Variants in DPP10 observed in about 807,000 individuals in gnomAD.
DPP10 encodes the protein inactive dipeptidyl peptidase 10.
A neutral mutation model predicts 120.9 loss-of-function variants in DPP10; 33 were observed. The ratio of observed to expected loss-of-function variants is 0.27; its 90% CI spans 0.21 to 0.37. The LOEUF (loss-of-function observed/expected upper bound fraction) is 0.37, where lower values mean the gene tolerates loss of function less well. Ranked by LOEUF, DPP10 falls within the 10% of genes least tolerant of loss-of-function variation. The probability of loss-of-function intolerance (pLI) is 1.00; values close to 1 mark genes in which losing one functional copy is unlikely to be tolerated. For missense variants in DPP10, 816 were observed against 942.8 expected (o/e 0.87, Z 1.76); for synonymous variants, 337 against 326.1 (o/e 1.03, Z -0.36).
At chr2:114,679,888 AC>A (rs1354981661) in intron 1 of DPP10, among the ~76,000 whole-genome samples, 1 of 151,840 alleles carries the variant, frequency 6.6e-6, no homozygotes, top group Non-Finnish European at 1.5e-5. Flanking sequence ...AGCATAGAAA[AC>A]CTCTAGCTAA....
At chr2:115,333,135 T>G (rs1288164131) in intron 2 of DPP10, among the ~76,000 whole-genome samples, 2 of 152,000 alleles carry the variant, frequency 1.3e-5, no homozygotes, top group African/African-American at 4.8e-5. Context: ...TATTTAGGAT[T>G]GTTAGCTTTT....
chr2:115,768,716 T>C (rs1559131897), intron 13 of DPP10, among the ~76,000 whole-genome samples: 1 of 152,120 alleles, frequency 6.6e-6, no homozygotes, highest in Non-Finnish European at 1.5e-5. Context: ...CTAGAGAAGA[T>C]TTTTTATTCA....
intron 1 of DPP10, among the ~76,000 whole-genome samples, chr2:114,521,815 T>C (rs959534613): frequency 6.8e-5 from 10 of 148,136 alleles, no homozygotes; most frequent in Admixed American, 1.3e-4. Flanking sequence ...TTTTTTTTTT[T>C]TTTTTTTTTT....
chr2:114,979,556 A>C (rs747321492), intron 1 of DPP10, among the ~76,000 whole-genome samples: 71 of 152,122 alleles, frequency 4.7e-4, no homozygotes, highest in Admixed American at 7.9e-4. Context: ...TTACTAAACA[A>C]TCTGTCACGT....
intron 3 of DPP10, among the ~76,000 whole-genome samples, chr2:115,361,032 A>G (rs1177113395): frequency 6.6e-6 from 1 of 152,104 alleles, no homozygotes; most frequent in Non-Finnish European, 1.5e-5. Context: ...GTTTTGTCCC[A>G]AGCCTTTTGT....
At chr2:114,813,941 A>AACACACACAC (rs375858356) in intron 1 of DPP10, among the ~76,000 whole-genome samples, 46 of 139,480 alleles carry the variant, frequency 3.3e-4, no homozygotes, top group East Asian at 1.5e-3. Context: ...GGCACGCATG[A>AACACACACAC]ACACACACAC....
chr2:115,740,377 G>C (rs1677102838), intron 9 of DPP10, among the ~76,000 whole-genome samples: 1 of 151,994 alleles, frequency 6.6e-6, no homozygotes, highest in Admixed American at 6.6e-5. Flanking sequence ...ATAAAAAATA[G>C]ACTATGCATA....
chr2:115,564,092 C>T (rs1022793631), intron 5 of DPP10, among the ~76,000 whole-genome samples: 8 of 152,066 alleles, frequency 5.3e-5, no homozygotes, highest in Non-Finnish European at 1.0e-4. Context: ...ATTACTTTTA[C>T]AGAGTGGAAA....
chr2:114,996,141 T>G (rs911794999), intron 1 of DPP10, among the ~76,000 whole-genome samples: 3 of 152,210 alleles, frequency 2.0e-5, no homozygotes, highest in Non-Finnish European at 4.4e-5. Context: ...TACGGATGGG[T>G]GTGGAAACTG....
chr2:114,527,536 C>A (rs962784264), intron 1 of DPP10, among the ~76,000 whole-genome samples: 1 of 152,040 alleles, frequency 6.6e-6, no homozygotes, highest in African/African-American at 2.4e-5. Context: ...ACATTTATGG[C>A]ACATAGTTAA....
intron 1 of DPP10, among the ~76,000 whole-genome samples, chr2:114,689,467 C>T (rs1025078485): frequency 6.6e-6 from 1 of 151,950 alleles, no homozygotes; most frequent in Non-Finnish European, 1.5e-5. Flanking sequence ...CCACATATTC[C>T]TTATTCAATC....
intron 22 of DPP10, 84 bp downstream of exon 22, chr2:115,836,340 T>A: frequency 7.2e-7 from 1 of 1,394,770 alleles, no homozygotes; most frequent in South Asian, 1.3e-5. Flanking sequence ...TCAATTGAGC[T>A]CATTTATCAT....
intron 1 of DPP10, among the ~76,000 whole-genome samples, chr2:115,098,236 T>C (rs1002490396): frequency 2.0e-5 from 3 of 152,010 alleles, no homozygotes; most frequent in Admixed American, 6.6e-5. Context: ...CTCCCAGAAG[T>C]TGGGGGAGTA....
rs188897913 is a variant in DPP10, at chr2:115,346,710, A to C, written c.271+2798A>C. Among the ~76,000 whole-genome samples the C allele has an allele frequency of 5.9e-5, 9 of 152,230 alleles. No homozygotes were observed. The East Asian group carries it at 1.7e-3, about 29-fold the overall frequency. ...ATAATCAATTAATCACCAAAGAAAG[A>C]TCTAACATTGAGTGCCTTCTATTGA... On this transcript the variant is annotated intron_variant, in intron 3 of 25. Coordinates refer to ENST00000410059, the MANE Select transcript of DPP10 (RefSeq NM_020868.6).
At chr2:115,104,151 G>A (rs1014543017) in intron 1 of DPP10, among the ~76,000 whole-genome samples, 4 of 148,006 alleles carry the variant, frequency 2.7e-5, no homozygotes, top group Admixed American at 6.7e-5. Flanking sequence ...AGATTTTGGA[G>A]CATGTCAAAT....
At chr2:115,525,083 G>GT (rs2078046518) in intron 4 of DPP10, among the ~76,000 whole-genome samples, 2 of 152,084 alleles carry the variant, frequency 1.3e-5, no homozygotes, top group East Asian at 1.9e-4. Context: ...GTTTATGCAC[G>GT]TATTTCTCTG....
chr2:115,234,620 C>T (rs1378609085), intron 1 of DPP10: 2 of 152,236 alleles, frequency 1.3e-5, no homozygotes, highest in Non-Finnish European at 2.9e-5. Context: ...ACCTTCTCAC[C>T]ATGCACACTG....
chr2:114,477,448 C>T (rs1680511061), intron 1 of DPP10, among the ~76,000 whole-genome samples: 1 of 151,614 alleles, frequency 6.6e-6, no homozygotes, highest in Non-Finnish European at 1.5e-5. Flanking sequence ...TGAAATACTG[C>T]ATATATATTT....
chr2:115,069,759 C>T (rs891647805), intron 1 of DPP10, among the ~76,000 whole-genome samples: 37 of 151,656 alleles, frequency 2.4e-4, no homozygotes, highest in Admixed American at 2.4e-3. Context: ...AGGCATGTTA[C>T]TTAACCTCTC....
Sources: gnomAD v4.1 joint callset for allele counts (sites outside exome capture counted in the v4.1 genomes callset) on GRCh38, gnomAD v4.1.1 for gene constraint, MANE v1.5 for transcripts, NCBI Gene and HGNC (gene_info 2026-07-23, HGNC 2026-07-21) for gene names.